Variants in PLXNB2 observed in about 807,000 individuals in gnomAD.
PLXNB2 encodes the protein plexin-B2.
In PLXNB2, 85 loss-of-function variants were observed where a neutral mutation model predicts 202.6. The observed-to-expected ratio is 0.42, with a 90% CI of 0.35 to 0.50. The LOEUF (loss-of-function observed/expected upper bound fraction) is 0.50. PLXNB2 is among the 20% of genes least tolerant of loss of function. The pLI, the probability that PLXNB2 is intolerant of heterozygous loss-of-function variation, is 0.02. For synonymous variants in PLXNB2, 1,239 were observed against 1,137.6 expected, an observed-to-expected ratio of 1.09 and a Z score of -1.79; for missense variants, 2,063 against 2,586.2, an observed-to-expected ratio of 0.80 and a Z score of 4.39.
chr22:50,282,546 G>A (rs1176698990), intron 18 of PLXNB2, 165 bp downstream of exon 18: 32 of 681,036 alleles, frequency 4.7e-5, no homozygotes, highest in Non-Finnish European at 7.3e-5. Context: ...TGCCCATCTG[G>A]GTTTCTAGGA....
At chr22:50,305,742 C>T (rs372611698) in intron 1 of PLXNB2, among the ~76,000 whole-genome samples, 1 of 152,298 alleles carries the variant, frequency 6.6e-6, no homozygotes, top group Non-Finnish European at 1.5e-5. Flanking sequence ...TGAACTTGGG[C>T]CTGGAGGGTA....
chr22:50,281,632 C>T lies in PLXNB2; in HGVS notation c.3456G>A (p.Pro1152=), dbSNP rs748740908. 3.8e-5 allele frequency: 61 copies of T among 1,606,436 alleles called. No individual in the cohort carries two copies. Among genetic ancestry groups the T allele is most frequent in the Admixed American group, 2.0e-4 (12 of 59,436 alleles). Residue 1152 remains proline, a synonymous_variant, in exon 21 of 37, where the codon CCG becomes CCA. Coordinates refer to ENST00000359337, the MANE Select transcript of PLXNB2 (RefSeq NM_012401.4). ...GCCGCTTGGGCGGGGGCTGCACCTCCGGGGGCTCACAGTACAGGTCGGTCT... is the reference window on the plus strand; with the variant it reads ...GCCGCTTGGGCGGGGGCTGCACCTCTGGGGGCTCACAGTACAGGTCGGTCT... ...LTETDLYCEP[P]EVQPPPKRRQ...
Position 50,281,399 on chromosome 22 carries a change from G to A in PLXNB2, c.3623C>T (p.Pro1208Leu). 1 of 1,612,410 alleles carries A rather than the reference G, an allele frequency of 6.2e-7. No homozygotes were observed. Among genetic ancestry groups the A allele is most frequent in the Non-Finnish European group, 8.5e-7 (1 of 1,179,778 alleles). ...AGACACCGCGATGACGACCACCATGGGCACGATGACCAGCGGCAAGATGAG... is the reference window on the plus strand; with the variant it reads ...AGACACCGCGATGACGACCACCATGAGCACGATGACCAGCGGCAAGATGAG... Reference protein sequence around the residue: ...LSLILPLVIVPMVVVIAVSVY... With the variant: ...LSLILPLVIVLMVVVIAVSVY... Residue 1208 changes from proline to leucine, a missense_variant, in exon 22 of 37, where the codon CCC (proline) becomes CTC (leucine). By Grantham distance (98) the Pro-to-Leu change is moderately conservative. Transcript: ENST00000359337.
rs938400173 is a variant in PLXNB2 at position 50,279,938 on chromosome 22, A to G, written c.4242+67T>C. ...CTCAAGGTGCCGTACAGATAGGGGA[A>G]CGCAGGAGGGGATGGCAGCAGTCTG... On this transcript the variant is annotated intron_variant, in intron 26 of 36. Coordinates refer to ENST00000359337, the MANE Select transcript of PLXNB2 (RefSeq NM_012401.4). 4.2e-6 allele frequency: 6 copies of G among 1,432,122 alleles called. No individual in the cohort carries two copies. In the South Asian group the frequency reaches 7.4e-5, roughly 18 times the overall value. 88.7% of individuals were successfully genotyped at this position (1,432,122 alleles called of 1,614,324 possible). A position where few individuals can be genotyped will look rare whatever the true frequency, so the allele number is the denominator to read the frequency against.
At position 50,289,656 on chromosome 22, in the gene PLXNB2, C is replaced by A. The variant is rs371292339; in HGVS notation, c.929G>T (p.Gly310Val). The part of the protein sequence containing the change: ...DSRSSGGPGA[G>V]LCLFPLDKVH... ...CTTGTCCAGCGGGAACAGGCAGAGG[C>A]CCGCACCGGGCCCCCCACTGCTCCG... Residue 310 changes from glycine to valine, a missense_variant, in exon 3 of 37, where the codon GGC becomes GTC. Gly to Val is a moderately radical substitution (Grantham distance 109). Transcript: ENST00000359337. This position sits in a 1 kb window ranked among gnomAD's most constrained non-coding sequence, Gnocchi z 8.0. 2.9e-5 allele frequency: 46 copies of A among 1,609,608 alleles called. 1 individual carries two copies. In the East Asian group the frequency reaches 1.0e-3, roughly 35 times the overall value.
In PLXNB2 at chr22:50,278,466, C is replaced by T. The variant is rs376933509; in HGVS notation, c.4701G>A (p.Pro1567=). ...CAGGCAGGTCCTGCTGGCTGTCCTC[C>T]GGCTGCTGGGAGACCCCCACCTTGG... The part of the protein sequence containing the change: ...ILSKVGVSQQ[P]EDSQQDLPGE... The change falls in exon 30 of 37, where the codon CCG becomes CCA. Residue 1567 remains proline, a synonymous_variant. Transcript: ENST00000359337. 1.4e-4 allele frequency: 215 copies of T among 1,559,386 alleles called. No individual in the cohort carries two copies. In the South Asian group the frequency reaches 1.9e-3, roughly 14 times the overall value.
rs565765799 is a variant in PLXNB2, at chr22:50,295,152, C to T, written c.-73-374G>A. On this transcript the variant is annotated intron_variant, in intron 1 of 36. Coordinates refer to ENST00000359337, the MANE Select transcript of PLXNB2 (RefSeq NM_012401.4). The stretch of plus-strand genomic sequence containing the variant: ...TGGTGAACACAGTGAAACCCCGTCT[C>T]TACTAAAAATACAAAAAAATTAGAT... Among the ~76,000 whole-genome samples, 6 of 152,164 alleles carry T rather than the reference C, an allele frequency of 3.9e-5. 1 individual carries two copies. The South Asian group carries it at 1.0e-3, about 26-fold the overall frequency.
At position 50,284,634 on chromosome 22, in the gene PLXNB2, A is replaced by G. The variant is rs746123380; in HGVS notation, c.2120T>C (p.Leu707Pro). The G allele has an allele frequency of 5.0e-6, 8 of 1,612,352 alleles. No individual in the cohort carries two copies. Among genetic ancestry groups the G allele is most frequent in the Admixed American group, 1.7e-5 (1 of 59,946 alleles). Residue 707 changes from leucine (L) to proline (P), a missense_variant, in exon 12 of 37, where the codon CTC (leucine) becomes CCC (proline). This residue lies in a region of PLXNB2 where 1,303 missense variants were observed against 1,476.8 expected (regional missense o/e 0.88). Coordinates refer to ENST00000359337, the MANE Select transcript of PLXNB2 (RefSeq NM_012401.4). This position sits in a 1 kb window ranked among gnomAD's most constrained non-coding sequence, Gnocchi z 8.0. ...GSSLHVGSDL[L>P]KFMEPVTMQE... ...CATGGTCACCGGCTCCATGAACTTG[A>G]GCAAGTCACTGCCCACGTGCAGGGA...
In PLXNB2 at chr22:50,291,234, A is replaced by G. The variant is rs931775116; in HGVS notation, c.-13-637T>C. 6.6e-6 allele frequency among the ~76,000 whole-genome samples: 1 copy of G among 152,198 alleles called. No individual in the cohort carries two copies. The highest frequency in any genetic ancestry group is 2.4e-5 in the African/African-American group (1 of 41,450). On this transcript the variant is annotated intron_variant, in intron 2 of 36. Coordinates refer to ENST00000359337, the MANE Select transcript of PLXNB2 (RefSeq NM_012401.4). This position sits in a 1 kb window ranked among gnomAD's most constrained non-coding sequence, Gnocchi z 4.3. ...CTGCCCTGGTGAAACAGTGGAAGCC[A>G]GCAATCACCCACAGCTCCTCGCTCG...
chr22:50,289,633 T>C lies in PLXNB2; in HGVS notation c.952A>G (p.Lys318Glu), dbSNP rs28379706. The C allele has an allele frequency of 0.39, 631,839 of 1,609,450 alleles. 130,107 individuals carry two copies. Among genetic ancestry groups the C allele is most frequent in the African/African-American group, 0.65 (48,621 of 75,024 alleles). Residue 318 changes from lysine (K) to glutamate (E), a missense_variant, in exon 3 of 37, where the codon AAG (lysine) becomes GAG (glutamate). Lys to Glu is a moderately conservative substitution (Grantham distance 56). Around this residue, in one of 2 missense-constraint regions of PLXNB2, gnomAD observed 1,303 missense variants for 1,476.8 expected, o/e 0.88. Transcript: ENST00000359337. This position sits in a 1 kb window ranked among gnomAD's most constrained non-coding sequence, Gnocchi z 8.0. ...GAGLCLFPLD[K>E]VHAKMEANRN... The stretch of plus-strand genomic sequence containing the variant: ...TTGGCCTCCATCTTGGCGTGCACCT[T>C]GTCCAGCGGGAACAGGCAGAGGCCC...
chr22:50,295,878 C>T (rs1406276670), intron 1 of PLXNB2, among the ~76,000 whole-genome samples: 4 of 151,960 alleles, frequency 2.6e-5, no homozygotes, highest in Non-Finnish European at 4.4e-5. Context: ...CTGAAGTGGG[C>T]GGATCACGAG....
intron 18 of PLXNB2, 112 bp from the exon 19 acceptor site, chr22:50,282,425 G>T: frequency 8.2e-7 from 1 of 1,216,170 alleles, no homozygotes; most frequent in Non-Finnish European, 1.1e-6. Flanking sequence ...CCAGGTGCAT[G>T]TGTGGGTCTC....
chr22:50,299,732 G>A (rs2067549250), intron 1 of PLXNB2, among the ~76,000 whole-genome samples: 1 of 152,248 alleles, frequency 6.6e-6, no homozygotes, highest in Admixed American at 6.5e-5. Flanking sequence ...CGAGACCGGC[G>A]GCCCCGCCAC....
At chr22:50,283,287 CTCCTCCCGG>C (rs768448890) in intron 16 of PLXNB2, 41 bp downstream of exon 16, 4 of 1,607,732 alleles carry the variant, frequency 2.5e-6, no homozygotes, top group African/African-American at 1.3e-5. Flanking sequence ...GGCAGAGCCC[CTCCTCCCGG>C]TCCTCCCGGG....
chr22:50,277,336 T>C (rs1373204057), intron 33 of PLXNB2, among the ~76,000 whole-genome samples: 1 of 151,626 alleles, frequency 6.6e-6, no homozygotes, highest in Non-Finnish European at 1.5e-5. Flanking sequence ...TTTTGTGATC[T>C]GTAGTAAAAC....
Position 50,282,025 on chromosome 22 carries a change from C to G in PLXNB2, c.3174G>C (p.Pro1058=), listed in dbSNP as rs1341853236. The stretch of plus-strand genomic sequence containing the variant: ...AGGCCTCTGGCTCCTCAGGCACAGC[C>G]GGGGACAGGAAGACGACCTTGGTGT... ...HNDTKVVFLS[P]AVPEEPEAYN... The change falls in exon 20 of 37, where the codon CCG becomes CCC. Residue 1058 remains proline (P), a synonymous_variant. Transcript: ENST00000359337. 6.2e-7 allele frequency: 1 copy of G among 1,613,044 alleles called. No individual in the cohort carries two copies. The highest frequency in any genetic ancestry group is 1.3e-5 in the African/African-American group (1 of 75,044).
chr22:50,278,762 C>T, intron 28 of PLXNB2, 66 bp from the exon 29 acceptor site: 2 of 1,585,086 alleles, frequency 1.3e-6, no homozygotes, highest in Non-Finnish European at 1.7e-6. Context: ...CCACCACTCC[C>T]ATATGAGAAA....
Position 50,290,003 on chromosome 22 carries a change from C to A in PLXNB2, c.582G>T (p.Arg194Ser), listed in dbSNP as rs2066755387. Reference protein sequence around the residue: ...STRLLDRTDSREAFEAYTDHA... With the variant: ...STRLLDRTDSSEAFEAYTDHA... ...GGTCCGTGTAGGCTTCAAAGGCCTC[C>A]CTGCTGTCAGTCCGGTCCAACAGCC... The change falls in exon 3 of 37, where the codon AGG becomes AGT. Residue 194 changes from arginine to serine, a missense_variant. By Grantham distance (110) the Arg-to-Ser change is moderately radical (BLOSUM62 -1). Transcript: ENST00000359337. 1.9e-6 allele frequency: 3 copies of A among 1,613,292 alleles called. No homozygotes were observed. The highest frequency in any genetic ancestry group is 2.5e-6 in the Non-Finnish European group (3 of 1,180,028).
intron 6 of PLXNB2, 21 bp from the exon 7 acceptor site, chr22:50,287,814 C>A: frequency 1.3e-6 from 2 of 1,596,126 alleles, no homozygotes; most frequent in Non-Finnish European, 8.5e-7. Context: ...AGGGGGCGGC[C>A]TCAGCCCAGG....
Sources: allele counts gnomAD v4.1 joint callset (sites outside exome capture counted in the v4.1 genomes callset), GRCh38; gene constraint gnomAD v4.1.1; regional missense constraint gnomAD v4.1.1; non-coding constraint Gnocchi (gnomAD v3.1); transcripts MANE v1.5; gene names NCBI Gene and HGNC (gene_info 2026-07-23, HGNC 2026-07-21).